Variants in ARMC10 observed in about 807,000 individuals in gnomAD.
The protein encoded by ARMC10 is armadillo repeat-containing protein 10.
ARMC10 carries 23 observed loss-of-function variants against 30.2 expected under a neutral mutation model. The ratio of observed to expected loss-of-function variants is 0.76; its 90% CI spans 0.55 to 1.08. ARMC10 has a LOEUF of 1.08. Among genes scored for constraint, ARMC10 ranks in the 50% least tolerant of loss-of-function variants. The probability of loss-of-function intolerance (pLI) is 0.00; values close to 1 mark genes in which losing one functional copy is unlikely to be tolerated. For missense variants in ARMC10, 303 were observed against 413.7 expected, an observed-to-expected ratio of 0.73 and a Z score of 2.32; for synonymous variants, 111 against 164.4, an observed-to-expected ratio of 0.68 and a Z score of 2.48.
At chr7:103,094,636 A>G (rs1801618026) in intron 5 of ARMC10, among the ~76,000 whole-genome samples, 1 of 152,148 alleles carries the variant, frequency 6.6e-6, no homozygotes, top group Non-Finnish European at 1.5e-5. Context: ...TTGAAACTTC[A>G]TTGACATTGG....
rs529402253 is a variant in ARMC10, at chr7:103,075,183, G to C, written c.-90G>C. The C allele has an allele frequency of 8.8e-4, 851 of 969,470 alleles. 6 individuals are homozygous for C. The African/African-American group carries it at 0.014, about 16-fold the overall frequency. 60.1% of individuals were successfully genotyped at this position (969,470 alleles called of 1,614,324 possible). On this transcript the variant is annotated 5_prime_UTR_variant, in exon 1 of 7. Transcript: ENST00000323716. ...CAGGTCAGGTGGCGTTTGCTGTGGC[G>C]GCTAGGCCCGCGTGCGCTGGAGACC... is the stretch of plus-strand genomic sequence containing the variant.
intron 2 of ARMC10, among the ~76,000 whole-genome samples, chr7:103,076,218 T>G (rs1343234288): frequency 6.6e-6 from 1 of 152,234 alleles, no homozygotes; most frequent in African/African-American, 2.4e-5. Context: ...GATTTCATAT[T>G]ACATACGTGT....
chr7:103,082,193 T>C (rs1800441558), intron 2 of ARMC10, among the ~76,000 whole-genome samples: 1 of 152,224 alleles, frequency 6.6e-6, no homozygotes, highest in South Asian at 2.1e-4. Context: ...GACTTGGTAG[T>C]GAGAATATTC....
At chr7:103,082,137 G>A (rs1490998072) in intron 2 of ARMC10, among the ~76,000 whole-genome samples, 1 of 152,134 alleles carries the variant, frequency 6.6e-6, no homozygotes, top group Non-Finnish European at 1.5e-5. Flanking sequence ...TTTATAAGGT[G>A]TTAATGAGGC....
At chr7:103,081,375 T>A (rs1563318441) in intron 2 of ARMC10, among the ~76,000 whole-genome samples, 2 of 152,232 alleles carry the variant, frequency 1.3e-5, no homozygotes, top group Admixed American at 6.5e-5. Flanking sequence ...TTCTCTTTTT[T>A]AAAAACAAAA....
intron 3 of ARMC10, among the ~76,000 whole-genome samples, chr7:103,084,590 T>A (rs189538182): frequency 6.6e-6 from 1 of 152,238 alleles, no homozygotes; most frequent in Non-Finnish European, 1.5e-5. Flanking sequence ...AGGGAAAATA[T>A]TGAGCTCAGC....
At chr7:103,091,860 C>T (rs1053328745) in intron 4 of ARMC10, among the ~76,000 whole-genome samples, 7 of 152,142 alleles carry the variant, frequency 4.6e-5, no homozygotes, top group African/African-American at 1.2e-4. Flanking sequence ...GCAGGGGACC[C>T]GAGCTCTTTA....
At chr7:103,092,330 C>CAAAA (rs772073727) in intron 4 of ARMC10, 147 bp from the exon 5 acceptor site, 367 of 233,204 alleles carry the variant, frequency 1.6e-3, no homozygotes, top group Middle Eastern at 4.9e-3. Flanking sequence ...GACTCCGTCT[C>CAAAA]AAAAAAAAAA....
chr7:103,075,189 G>T lies in ARMC10; in HGVS notation c.-84G>T. 2.0e-6 allele frequency: 2 copies of T among 1,010,246 alleles called. No individual in the cohort carries two copies. Among genetic ancestry groups the T allele is most frequent in the Non-Finnish European group, 1.2e-6 (1 of 820,672 alleles). The allele number at this position is 1,010,246 out of a possible 1,614,324, so 62.6% of individuals were successfully genotyped here. On this transcript the variant is annotated 5_prime_UTR_variant, in exon 1 of 7. Coordinates refer to ENST00000323716, the MANE Select transcript of ARMC10 (RefSeq NM_031905.5). ...AGGTGGCGTTTGCTGTGGCGGCTAG[G>T]CCCGCGTGCGCTGGAGACCTCCGCG...
rs373033108 is a variant in ARMC10 at position 103,099,471 on chromosome 7, CAAA to C, written c.*931_*933del. On this transcript the variant is annotated 3_prime_UTR_variant, in exon 7 of 7. Coordinates refer to ENST00000323716, the MANE Select transcript of ARMC10 (RefSeq NM_031905.5). ...GGGCAACAAGAGCAAAACTCTGTCT[CAAA>C]AAAAAAAAAAAATGATGGAGCTCCG... 3 of 98,668 alleles carry C rather than the reference CAAA, an allele frequency of 3.0e-5. No homozygotes were observed. Among genetic ancestry groups the C allele is most frequent in the Admixed American group, 1.1e-4 (1 of 9,522 alleles). 6.1% of individuals were successfully genotyped at this position (98,668 alleles called of 1,614,324 possible).
At chr7:103,075,581 C>G (rs1201324029) in intron 1 of ARMC10, among the ~76,000 whole-genome samples, 170 bp downstream of exon 1, 3 of 152,260 alleles carry the variant, frequency 2.0e-5, no homozygotes, top group Non-Finnish European at 4.4e-5. Context: ...CCTTTGCTGA[C>G]TATACTGGTA....
rs763067597 is a variant in ARMC10, at chr7:103,084,007, T to C, written c.393+177T>C. The C allele has an allele frequency of 9.9e-6, 15 of 1,507,972 alleles. No individual in the cohort carries two copies. The Middle Eastern group carries it at 6.8e-4, about 69-fold the overall frequency. 93.4% of individuals were successfully genotyped at this position (1,507,972 alleles called of 1,614,324 possible). On this transcript the variant is annotated intron_variant, in intron 3 of 6. Transcript: ENST00000323716. ...TCTGAAAAACACAGCCTAATAGTGA[T>C]ATGATTATTAATGTGATTATAGATC... is the stretch of plus-strand genomic sequence containing the variant.
intron 5 of ARMC10, among the ~76,000 whole-genome samples, chr7:103,095,471 A>AT (rs1208958167): frequency 3.3e-5 from 5 of 152,066 alleles, no homozygotes; most frequent in African/African-American, 4.8e-5. Context: ...GTGGTTTTCT[A>AT]TTTTTTTGAA....
chr7:103,094,039 AAAGTT>A (rs1801566575), intron 5 of ARMC10, among the ~76,000 whole-genome samples: 1 of 152,244 alleles, frequency 6.6e-6, no homozygotes, highest in Non-Finnish European at 1.5e-5. Context: ...AATTGAGTTT[AAAGTT>A]CCAACTTGCA....
At chr7:103,082,502 C>T (rs1800472614) in intron 2 of ARMC10, among the ~76,000 whole-genome samples, 1 of 29,504 alleles carries the variant, frequency 3.4e-5, no homozygotes, top group South Asian at 5.1e-3. Context: ...ATTTTATTTA[C>T]TTATTTTTTT....
Position 103,092,728 on chromosome 7 carries a change from C to T in ARMC10, c.705+75C>T, listed in dbSNP as rs890921908. On this transcript the variant is annotated intron_variant, in intron 5 of 6. Coordinates refer to ENST00000323716, the MANE Select transcript of ARMC10 (RefSeq NM_031905.5). ...AGGCCACCTATCTTAAGTTGATGTG[C>T]CTCAAAGAGGAAGATTTATTAAAAA... 1.1e-5 allele frequency: 12 copies of T among 1,087,928 alleles called. No individual in the cohort carries two copies. In the Admixed American group the frequency reaches 3.0e-4, roughly 27 times the overall value. 67.4% of individuals were successfully genotyped at this position (1,087,928 alleles called of 1,614,324 possible).
intron 4 of ARMC10, among the ~76,000 whole-genome samples, chr7:103,090,193 GT>G (rs1338804767): frequency 6.6e-6 from 1 of 152,188 alleles, no homozygotes; most frequent in Non-Finnish European, 1.5e-5. Context: ...AATTGAAATG[GT>G]AAAAAGATTC....
At chr7:103,088,790 G>C (rs927466467) in intron 4 of ARMC10, 1 of 179,008 alleles carries the variant, frequency 5.6e-6, no homozygotes, top group African/African-American at 2.4e-5. Flanking sequence ...TTCCATTCCA[G>C]CTTGACAGGC....
At chr7:103,075,537 T>G in intron 1 of ARMC10, 126 bp downstream of exon 1, 4 of 1,075,466 alleles carry the variant, frequency 3.7e-6, no homozygotes, top group Non-Finnish European at 1.2e-6. Flanking sequence ...GCAGTACTTG[T>G]GTGAGTGCAG....
Sources: gnomAD v4.1 joint callset for allele counts (sites outside exome capture counted in the v4.1 genomes callset) on GRCh38, gnomAD v4.1.1 for gene constraint, MANE v1.5 for transcripts, NCBI Gene and HGNC (gene_info 2026-07-23, HGNC 2026-07-21) for gene names.